LRRC4C: variants seen among roughly 807,000 people sequenced by gnomAD.
The protein encoded by LRRC4C is leucine rich repeat containing 4C, also known as leucine-rich repeat-containing protein 4C.
A neutral mutation model predicts 33.6 loss-of-function variants in LRRC4C; 5 were observed. That is an observed-to-expected ratio of 0.15 (90% CI 0.08 to 0.31). The LOEUF is 0.31. LRRC4C is among the 10% of genes least tolerant of loss of function. The pLI is 1.00. For synonymous variants in LRRC4C, 329 were observed against 302.0 expected (o/e 1.09, Z -0.93); for missense variants, 560 against 796.7 (o/e 0.70, Z 3.58).
rs570512429 is a variant in LRRC4C, at chr11:40,983,565, C to A, written c.-495-49842G>T. 1.5e-4 allele frequency among the ~76,000 whole-genome samples: 23 copies of A among 152,246 alleles called. No homozygotes were observed. The East Asian group carries it at 4.5e-3, about 29-fold the overall frequency. The stretch of plus-strand genomic sequence containing the variant: ...ATCAACAGAGTAAACAGACAACCTA[C>A]AAGACGGGAGAAAATTTTTTGCAAA... On this transcript the variant is annotated intron_variant, in intron 1 of 6. Transcript: ENST00000528697.
chr11:41,120,693 A>G (rs1205525075), intron 1 of LRRC4C, among the ~76,000 whole-genome samples: 1 of 152,154 alleles, frequency 6.6e-6, no homozygotes. Flanking sequence ...TCTAAGGATA[A>G]TAAAGTCTTC....
chr11:40,446,167 C>T (rs949748808), intron 3 of LRRC4C: 4 of 152,198 alleles, frequency 2.6e-5, no homozygotes, highest in African/African-American at 9.6e-5. Context: ...ATCATGTGTC[C>T]ATAATATTGC....
chr11:40,229,121 TTC>T (rs1865013852), intron 5 of LRRC4C, among the ~76,000 whole-genome samples: 1 of 152,186 alleles, frequency 6.6e-6, no homozygotes, highest in South Asian at 2.1e-4. Flanking sequence ...AAATTTAATC[TTC>T]TCTTTTTTCT....
intron 1 of LRRC4C, among the ~76,000 whole-genome samples, chr11:40,942,457 TCA>T (rs1256003683): frequency 6.6e-6 from 1 of 152,100 alleles, no homozygotes; most frequent in Non-Finnish European, 1.5e-5. Context: ...GACTAAGAAG[TCA>T]CACATTGAAC....
chr11:40,324,155 A>C (rs1375875283), intron 3 of LRRC4C, among the ~76,000 whole-genome samples: 1 of 152,242 alleles, frequency 6.6e-6, no homozygotes, highest in Non-Finnish European at 1.5e-5. Context: ...ATGATTAGGC[A>C]CACAAATTAA....
In LRRC4C at chr11:41,295,916, C is replaced by T. The variant is rs536741486; in HGVS notation, c.-496+163515G>A. Reference sequence around the variant, plus strand: ...CAAGTGGCTTGCCACAGAGGTGACACGATAAGAAATATCTAATCCATGTTT... The same window carrying T: ...CAAGTGGCTTGCCACAGAGGTGACATGATAAGAAATATCTAATCCATGTTT... On this transcript the variant is annotated intron_variant, in intron 1 of 6. Transcript: ENST00000528697. 2.6e-5 allele frequency among the ~76,000 whole-genome samples: 4 copies of T among 152,272 alleles called. No homozygotes were observed. In the South Asian group the frequency reaches 6.2e-4, roughly 24 times the overall value.
At chr11:40,216,563 A>T (rs1863992742) in intron 5 of LRRC4C, among the ~76,000 whole-genome samples, 1 of 152,186 alleles carries the variant, frequency 6.6e-6, no homozygotes, top group Admixed American at 6.6e-5. Flanking sequence ...TTCTCTTCTA[A>T]AATGAGATTA....
intron 2 of LRRC4C, among the ~76,000 whole-genome samples, chr11:40,849,515 T>C (rs891257925): frequency 6.6e-6 from 1 of 152,214 alleles, no homozygotes; most frequent in East Asian, 1.9e-4. Flanking sequence ...GATCCCCTGT[T>C]AGTCTGATGG....
chr11:40,968,295 T>C (rs1223090428), intron 1 of LRRC4C, among the ~76,000 whole-genome samples: 1 of 152,018 alleles, frequency 6.6e-6, no homozygotes, highest in Non-Finnish European at 1.5e-5. Flanking sequence ...CTAGCAGAGG[T>C]TGGTTCACCA....
rs1247825049 is a variant in LRRC4C, at chr11:40,252,930, A to G, written c.-175-11332T>C. On this transcript the variant is annotated intron_variant, in intron 4 of 6. Coordinates refer to ENST00000528697, the MANE Select transcript of LRRC4C (RefSeq NM_001258419.2). ...ACTTTAGGCTCACTTTCCCAGACCTAAAGTCTCTCCCCATTACAAAATAAA... is the reference window on the plus strand; with the variant it reads ...ACTTTAGGCTCACTTTCCCAGACCTGAAGTCTCTCCCCATTACAAAATAAA... Among the ~76,000 whole-genome samples the G allele has an allele frequency of 2.0e-5, 3 of 152,212 alleles. No homozygotes were observed. In the East Asian group the frequency reaches 5.8e-4, roughly 29 times the overall value.
intron 1 of LRRC4C, among the ~76,000 whole-genome samples, chr11:41,429,494 A>C (rs1211493424): frequency 6.6e-6 from 1 of 152,180 alleles, no homozygotes; most frequent in African/African-American, 2.4e-5. Flanking sequence ...GGGAAATCAG[A>C]ACTACAATAG....
intron 1 of LRRC4C, among the ~76,000 whole-genome samples, chr11:41,269,085 C>A (rs566788650): frequency 1.3e-5 from 2 of 152,008 alleles, no homozygotes; most frequent in Non-Finnish European, 2.9e-5. Flanking sequence ...CTGGTAGAGG[C>A]TAAAGCCTGA....
chr11:40,720,628 T>C (rs1946964098), intron 2 of LRRC4C, among the ~76,000 whole-genome samples: 1 of 152,182 alleles, frequency 6.6e-6, no homozygotes, highest in South Asian at 2.1e-4. Flanking sequence ...ACCTTCCAGG[T>C]AGCTAAAATT....
chr11:41,148,426 C>G (rs1943831325), intron 1 of LRRC4C, among the ~76,000 whole-genome samples: 1 of 151,912 alleles, frequency 6.6e-6, no homozygotes, highest in Non-Finnish European at 1.5e-5. Flanking sequence ...AAAAGATGCT[C>G]AAGATTATTT....
intron 1 of LRRC4C, among the ~76,000 whole-genome samples, chr11:41,183,971 G>A (rs1174634958): frequency 6.6e-6 from 1 of 152,178 alleles, no homozygotes; most frequent in Admixed American, 6.5e-5. Flanking sequence ...TCTACCCTTT[G>A]AAGCAACAGC....
intron 4 of LRRC4C, among the ~76,000 whole-genome samples, chr11:40,278,549 A>G (rs1046655886): frequency 6.6e-6 from 1 of 152,226 alleles, no homozygotes; most frequent in African/African-American, 2.4e-5. Flanking sequence ...TCTGTTTCTA[A>G]GAGATGAGAG....
chr11:40,412,081 A>T (rs976412580), intron 3 of LRRC4C, among the ~76,000 whole-genome samples: 5 of 151,916 alleles, frequency 3.3e-5, no homozygotes, highest in African/African-American at 1.2e-4. Flanking sequence ...AAAAACTCTT[A>T]TTTTGCTATG....
At chr11:41,437,863 C>T (rs747656261) in intron 1 of LRRC4C, among the ~76,000 whole-genome samples, 35 of 152,068 alleles carry the variant, frequency 2.3e-4, no homozygotes, top group Non-Finnish European at 4.0e-4. Context: ...CATGGTGAAA[C>T]CCCGTCTCTA....
intron 2 of LRRC4C, among the ~76,000 whole-genome samples, chr11:40,837,142 C>T (rs1184320439): frequency 6.6e-6 from 1 of 152,092 alleles, no homozygotes; most frequent in Non-Finnish European, 1.5e-5. Context: ...TTCATCTATG[C>T]ACTTATGAAT....
Sources: gnomAD v4.1 joint callset for allele counts (sites outside exome capture counted in the v4.1 genomes callset) on GRCh38, gnomAD v4.1.1 for gene constraint, MANE v1.5 for transcripts, NCBI Gene and HGNC (gene_info 2026-07-23, HGNC 2026-07-21) for gene names.